BBX: variants seen among roughly 807,000 people sequenced by gnomAD.
The protein encoded by BBX is HMG box transcription factor BBX.
Under a neutral mutation model 100.2 loss-of-function variants are expected in BBX, and 30 were observed. The ratio of observed to expected loss-of-function variants is 0.30; its 90% CI spans 0.22 to 0.41. The LOEUF (loss-of-function observed/expected upper bound fraction) is 0.41. Among genes scored for constraint, BBX ranks in the 10% least tolerant of loss-of-function variants. BBX has a pLI of 1.00. For synonymous variants in BBX, 376 were observed against 388.1 expected, an observed-to-expected ratio of 0.97 and a Z score of 0.37; for missense variants, 1,023 against 1,129.8, an observed-to-expected ratio of 0.91 and a Z score of 1.35.
intron 3 of BBX, among the ~76,000 whole-genome samples, chr3:107,663,223 A>C (rs1164026071): frequency 6.6e-6 from 1 of 152,182 alleles, no homozygotes; most frequent in East Asian, 1.9e-4. Context: ...TAACTTGAGA[A>C]ATAAGTTTGT....
chr3:107,531,874 T>TC (rs1455071803), intron 2 of BBX, among the ~76,000 whole-genome samples: 1 of 152,176 alleles, frequency 6.6e-6, no homozygotes, highest in Non-Finnish European at 1.5e-5. Flanking sequence ...TCTGGTGACT[T>TC]ATAGATATTA....
intron 2 of BBX, among the ~76,000 whole-genome samples, chr3:107,606,059 G>A (rs1033497374): frequency 6.6e-6 from 1 of 152,088 alleles, no homozygotes; most frequent in African/African-American, 2.4e-5. Context: ...TGACTTTTAG[G>A]AAAATAAGCT....
At chr3:107,654,000 A>C (rs776577910) in intron 3 of BBX, among the ~76,000 whole-genome samples, 1 of 152,208 alleles carries the variant, frequency 6.6e-6, no homozygotes, top group African/African-American at 2.4e-5. Flanking sequence ...AACTCCGTCC[A>C]TGCCTTCAAT....
At chr3:107,635,716 T>C (rs1158459965) in intron 2 of BBX, among the ~76,000 whole-genome samples, 1 of 107,874 alleles carries the variant, frequency 9.3e-6, no homozygotes, top group Non-Finnish European at 2.2e-5. Context: ...TATTTTCATC[T>C]TTTTTTTTTT....
intron 8 of BBX, among the ~76,000 whole-genome samples, chr3:107,745,390 A>G (rs987137893): frequency 6.6e-6 from 1 of 152,184 alleles, no homozygotes; most frequent in East Asian, 1.9e-4. Context: ...TTGACTACAC[A>G]TTCTTCACCA....
intron 5 of BBX, among the ~76,000 whole-genome samples, chr3:107,722,288 A>G (rs73850137): frequency 0.017 from 2,659 of 152,116 alleles, 75 homozygotes; most frequent in African/African-American, 0.061. Context: ...CTCAAAACTC[A>G]TTTTGGTATT....
intron 10 of BBX, among the ~76,000 whole-genome samples, chr3:107,760,026 G>C (rs2065771894): frequency 6.6e-6 from 1 of 152,114 alleles, no homozygotes; most frequent in Admixed American, 6.5e-5. Flanking sequence ...GTACTAATTT[G>C]ATTCTCACAA....
At chr3:107,790,483 G>A (rs946614358) in intron 14 of BBX, among the ~76,000 whole-genome samples, 1 of 152,096 alleles carries the variant, frequency 6.6e-6, no homozygotes, top group African/African-American at 2.4e-5. Flanking sequence ...TCTTTACTCG[G>A]AACGTCTGTC....
intron 2 of BBX, among the ~76,000 whole-genome samples, chr3:107,579,221 T>C (rs1200474493): frequency 2.0e-5 from 3 of 152,352 alleles, no homozygotes; most frequent in East Asian, 3.9e-4. Context: ...CTTCAAAATC[T>C]ATGTCAGAAG....
intron 5 of BBX, among the ~76,000 whole-genome samples, chr3:107,718,034 G>C (rs2062229664): frequency 6.6e-6 from 1 of 151,252 alleles, no homozygotes; most frequent in Non-Finnish European, 1.5e-5. Context: ...TGCCTTTATT[G>C]AGTTAATTAG....
chr3:107,662,104 AC>A (rs1268537494), intron 3 of BBX, among the ~76,000 whole-genome samples: 2 of 152,248 alleles, frequency 1.3e-5, no homozygotes, highest in Non-Finnish European at 2.9e-5. Flanking sequence ...AATGAAAAAA[AC>A]AATGACAAAT....
At chr3:107,783,819 T>C (rs1179233758) in intron 13 of BBX, among the ~76,000 whole-genome samples, 2 of 152,104 alleles carry the variant, frequency 1.3e-5, no homozygotes, top group Non-Finnish European at 2.9e-5. Flanking sequence ...TTTTCTTTTC[T>C]CTTGTTGCTC....
In BBX at chr3:107,716,641, A is replaced by T; in HGVS notation, c.197A>T (p.Asp66Val). Residue 66 changes from aspartate (D) to valine (V), a missense_variant, in exon 5 of 18, where the codon GAT (aspartate) becomes GTT (valine). Asp to Val is a radical substitution (Grantham distance 152). Coordinates refer to ENST00000325805, the MANE Select transcript of BBX (RefSeq NM_001142568.3). ...QLLGADGLEQ[D>V]VGETEDDESP... ...CTTGGGGCCGATGGCCTAGAGCAAGATGTTGGTGAAACTGAAGATGATGAA... is the reference window on the plus strand; with the variant it reads ...CTTGGGGCCGATGGCCTAGAGCAAGTTGTTGGTGAAACTGAAGATGATGAA... 1 of 1,613,784 alleles carries T rather than the reference A, an allele frequency of 6.2e-7. No homozygotes were observed. The highest frequency in any genetic ancestry group is 8.5e-7 in the Non-Finnish European group (1 of 1,179,758).
chr3:107,787,462 G>A (rs2068554717), intron 13 of BBX, among the ~76,000 whole-genome samples: 1 of 152,124 alleles, frequency 6.6e-6, no homozygotes, highest in African/African-American at 2.4e-5. Context: ...GAGACAGAAA[G>A]GAGATTAGAG....
intron 5 of BBX, among the ~76,000 whole-genome samples, chr3:107,727,415 C>T (rs2063030504): frequency 6.6e-6 from 1 of 152,080 alleles, no homozygotes; most frequent in Non-Finnish European, 1.5e-5. Context: ...TTGATACCTC[C>T]TAACACGTTC....
chr3:107,768,558 G>A (rs1378547067), intron 10 of BBX, among the ~76,000 whole-genome samples: 1 of 152,106 alleles, frequency 6.6e-6, no homozygotes, highest in Non-Finnish European at 1.5e-5. Context: ...ATAATACACA[G>A]ATGGAAGATA....
chr3:107,562,052 G>A (rs2050537672), intron 2 of BBX, among the ~76,000 whole-genome samples: 1 of 152,196 alleles, frequency 6.6e-6, no homozygotes, highest in Non-Finnish European at 1.5e-5. Context: ...TGTGTTTGAA[G>A]AAAGTAATTG....
intron 7 of BBX, among the ~76,000 whole-genome samples, chr3:107,735,303 T>A (rs373115126): frequency 1.3e-5 from 2 of 152,144 alleles, no homozygotes. Flanking sequence ...TATGTACTTA[T>A]GTTTTCCTAA....
At position 107,772,905 on chromosome 3, in the gene BBX, A is replaced by G. The variant is rs977297596; in HGVS notation, c.1184A>G (p.Glu395Gly). 4 of 1,608,204 alleles carry G rather than the reference A, an allele frequency of 2.5e-6. No individual in the cohort carries two copies. The Admixed American group carries it at 5.1e-5, about 20-fold the overall frequency. The change falls in exon 11 of 18, where the codon GAA (glutamate) becomes GGA (glycine). Residue 395 changes from glutamate (E) to glycine (G), a missense_variant. Transcript: ENST00000325805. ...KMEDPKEIRK[E>G]ELEEDHKCSH... ...GAAGATCCCAAAGAAATTAGAAAGG[A>G]AGAGTTAGAAGAAGATCACAAATGT...
Sources: allele counts gnomAD v4.1 joint callset (sites outside exome capture counted in the v4.1 genomes callset), GRCh38; gene constraint gnomAD v4.1.1; transcripts MANE v1.5; gene names NCBI Gene and HGNC (gene_info 2026-07-23, HGNC 2026-07-21).